DCHS1: variants seen among roughly 807,000 people sequenced by gnomAD.
DCHS1 encodes dachsous cadherin-related 1, also known as protocadherin-16.
In DCHS1, 78 loss-of-function variants were observed where a neutral mutation model predicts 213.9. The observed-to-expected ratio is 0.36, with a 90% CI of 0.30 to 0.44. DCHS1 has a LOEUF of 0.44. DCHS1 is among the 20% of genes least tolerant of loss of function. The pLI, the probability that DCHS1 is intolerant of heterozygous loss-of-function variation, is 1.00. For synonymous variants in DCHS1, 1,828 were observed against 1,873.7 expected (o/e 0.98, Z 0.63); for missense variants, 3,946 against 4,395.9 (o/e 0.90, Z 2.89).
rs964079617 is a variant in DCHS1, at chr11:6,627,830, C to T, written c.5372-163G>A. ...AGTAAAAGAAGATACTATAAAGCAG[C>T]TGGTATCATTTGTGTGTGGTCTGGG... On this transcript the variant is annotated intron_variant, in intron 13 of 20. Transcript: ENST00000299441. The surrounding 1 kb of genome is among the most constrained non-coding windows in gnomAD (Gnocchi z 5.4). Among the ~76,000 whole-genome samples the T allele has an allele frequency of 3.3e-5, 5 of 152,202 alleles. No homozygotes were observed. Among genetic ancestry groups the T allele is most frequent in the Non-Finnish European group, 7.3e-5 (5 of 68,040 alleles).
At position 6,632,886 on chromosome 11, in the gene DCHS1, C is replaced by A; in HGVS notation, c.2626G>T (p.Ala876Ser). 1 of 1,613,988 alleles carries A rather than the reference C, an allele frequency of 6.2e-7. No individual in the cohort carries two copies. Residue 876 changes from alanine (A) to serine (S), a missense_variant, in exon 6 of 21, where the codon GCT becomes TCT. Physicochemically the swap from Ala to Ser is moderately conservative, Grantham distance 99 (BLOSUM62 1). Around this residue, in one of 3 missense-constraint regions of DCHS1, gnomAD observed 3,384 missense variants for 3,780.1 expected, o/e 0.90. Coordinates refer to ENST00000299441, the MANE Select transcript of DCHS1 (RefSeq NM_003737.4). This position sits in a 1 kb window ranked among gnomAD's most constrained non-coding sequence, Gnocchi z 5.9. ...AGCAGCACACGCACCCGAGCTACAGCGAAAGCTGGGGGCACTCCACTGCCT... is the reference window on the plus strand; with the variant it reads ...AGCAGCACACGCACCCGAGCTACAGAGAAAGCTGGGGGCACTCCACTGCCT... ...RAGSGVPPAF[A>S]VARVRVLLDD...
Position 6,626,347 on chromosome 11 carries a change from T to G in DCHS1, c.6398A>C (p.Asp2133Ala). ...TCGCAGCCGTGGACTCACCTCGAAG[T>G]CTAGCCCCTCTGCTGAGCGAACTGT... ...AITVRSAEGL[D>A]FEVSPRLRLV... The change falls in exon 16 of 21, where the codon GAC (aspartate) becomes GCC (alanine). Residue 2133 changes from aspartate to alanine, a missense_variant. Physicochemically the swap from Asp to Ala is moderately radical, Grantham distance 126 (BLOSUM62 -2). Transcript: ENST00000299441. The surrounding 1 kb of genome is among the most constrained non-coding windows in gnomAD (Gnocchi z 5.2). The G allele has an allele frequency of 6.2e-7, 1 of 1,613,650 alleles. No individual in the cohort carries two copies. Among genetic ancestry groups the G allele is most frequent in the South Asian group, 1.1e-5 (1 of 91,002 alleles).
At position 6,641,733 on chromosome 11, in the gene DCHS1, C is replaced by A. The variant is rs1433968661; in HGVS notation, c.-120G>T. ...CCTGGCTCCAGCTCAGGCTCCCTGA[C>A]CTGGGAGAAAACAGAAGGAAACGGG... On this transcript the variant is annotated splice_region_variant and 5_prime_UTR_variant, in exon 2 of 21. Coordinates refer to ENST00000299441, the MANE Select transcript of DCHS1 (RefSeq NM_003737.4). The surrounding 1 kb of genome is among the most constrained non-coding windows in gnomAD (Gnocchi z 7.1). 3 of 1,440,166 alleles carry A rather than the reference C, an allele frequency of 2.1e-6. No homozygotes were observed. Among genetic ancestry groups the A allele is most frequent in the Non-Finnish European group, 2.7e-6 (3 of 1,099,406 alleles). The allele number at this position is 1,440,166 out of a possible 1,614,324, so 89.2% of individuals were successfully genotyped here.
At chr11:6,639,269 T>C (rs1306195304) in intron 2 of DCHS1, among the ~76,000 whole-genome samples, 1 of 152,152 alleles carries the variant, frequency 6.6e-6, no homozygotes, top group Non-Finnish European at 1.5e-5. Flanking sequence ...TATGTGTCTT[T>C]CTCAGCCTGT....
At chr11:6,639,185 T>C (rs995202153) in intron 2 of DCHS1, among the ~76,000 whole-genome samples, 7 of 152,198 alleles carry the variant, frequency 4.6e-5, no homozygotes, top group African/African-American at 1.7e-4. Flanking sequence ...GTTCAAGGAC[T>C]TCTGCAACCT....
intron 1 of DCHS1, among the ~76,000 whole-genome samples, chr11:6,652,164 A>C (rs1448948565): frequency 1.3e-5 from 2 of 152,222 alleles, no homozygotes; most frequent in Non-Finnish European, 1.5e-5. Context: ...GTAACTTTCC[A>C]CTTATTTGCC....
At chr11:6,653,549 T>C (rs1856274344) in intron 1 of DCHS1, among the ~76,000 whole-genome samples, 1 of 152,158 alleles carries the variant, frequency 6.6e-6, no homozygotes, top group Admixed American at 6.5e-5. Context: ...CTGAAAACAA[T>C]GGTGTGAGGG....
At position 6,641,341 on chromosome 11, in the gene DCHS1, G is replaced by C; in HGVS notation, c.273C>G (p.Asp91Glu). 6.2e-7 allele frequency: 1 copy of C among 1,613,636 alleles called. No individual in the cohort carries two copies. The stretch of plus-strand genomic sequence containing the variant: ...CCCCACTGTGTTCGTCAATGGCCAG[G>C]TCTGTGCCCACGCCGCTGCCCTCTT... ...SAQEGSGVGT[D>E]LAIDEHSGVV... is the part of the protein sequence containing the mutation. The change falls in exon 2 of 21, where the codon GAC becomes GAG. Residue 91 changes from aspartate to glutamate, a missense_variant. This residue lies in a region of DCHS1 where 3,384 missense variants were observed against 3,780.1 expected (regional missense o/e 0.90). Transcript: ENST00000299441. The surrounding 1 kb of genome is among the most constrained non-coding windows in gnomAD (Gnocchi z 7.1).
intron 4 of DCHS1, 47 bp downstream of exon 4, chr11:6,633,742 G>A: frequency 6.3e-7 from 1 of 1,598,068 alleles, no homozygotes; most frequent in Non-Finnish European, 8.6e-7. Context: ...TTAGGCAGGT[G>A]GGGAGGGGGA....
Position 6,627,973 on chromosome 11 carries a change from C to T in DCHS1, c.5372-306G>A, listed in dbSNP as rs1203242892. On this transcript the variant is annotated intron_variant, in intron 13 of 20. Transcript: ENST00000299441. The surrounding 1 kb of genome is among the most constrained non-coding windows in gnomAD (Gnocchi z 5.4). Reference sequence around the variant, plus strand: ...TCTCACAGATGTACAGTAGAATTTACAGATGCTCTATGACGTGATGATATA... The same window carrying T: ...TCTCACAGATGTACAGTAGAATTTATAGATGCTCTATGACGTGATGATATA... Among the ~76,000 whole-genome samples the T allele has an allele frequency of 6.6e-6, 1 of 152,166 alleles. No individual in the cohort carries two copies. The highest frequency in any genetic ancestry group is 2.4e-5 in the African/African-American group (1 of 41,420).
chr11:6,654,228 C>T (rs774152096), intron 1 of DCHS1, among the ~76,000 whole-genome samples: 2 of 152,100 alleles, frequency 1.3e-5, no homozygotes, highest in South Asian at 2.1e-4. Context: ...TGACTGTCTC[C>T]TGGGGGTTGT....
chr11:6,621,401 G>A lies in DCHS1; in HGVS notation c.*378C>T, dbSNP rs1192496107. 2 of 374,158 alleles carry A rather than the reference G, an allele frequency of 5.3e-6. No individual in the cohort carries two copies. The highest frequency in any genetic ancestry group is 4.5e-5 in the South Asian group (2 of 44,124). The allele number at this position is 374,158 out of a possible 1,614,324, so 23.2% of individuals were successfully genotyped here. A position where few individuals can be genotyped will look rare whatever the true frequency, so the allele number is the denominator to read the frequency against. On this transcript the variant is annotated 3_prime_UTR_variant, in exon 21 of 21. Coordinates refer to ENST00000299441, the MANE Select transcript of DCHS1 (RefSeq NM_003737.4). ...GTTCTGGGCAGGGGCAGGGGCAGGGGTGTCAGTGGAACCCAAAGGAGCTGG... is the reference window on the plus strand; with the variant it reads ...GTTCTGGGCAGGGGCAGGGGCAGGGATGTCAGTGGAACCCAAAGGAGCTGG...
At chr11:6,649,572 T>C (rs1821144250) in intron 1 of DCHS1, among the ~76,000 whole-genome samples, 1 of 152,006 alleles carries the variant, frequency 6.6e-6, no homozygotes, top group Non-Finnish European at 1.5e-5. Context: ...AATCTGTTAT[T>C]CAACAAATAC....
In DCHS1 at chr11:6,628,804, G is replaced by A. The variant is rs754421601; in HGVS notation, c.5188C>T (p.Pro1730Ser). 1 of 1,613,846 alleles carries A rather than the reference G, an allele frequency of 6.2e-7. No homozygotes were observed. Among genetic ancestry groups the A allele is most frequent in the Non-Finnish European group, 8.5e-7 (1 of 1,179,824 alleles). The part of the protein sequence containing the change: ...TVYAQDRGSP[P>S]QLTHVTVRVA... ...CGAACAGTGACATGCGTTAACTGAG[G>A]AGGTGAGCCCCTGTCCTGGGCATAC... The change falls in exon 13 of 21, where the codon CCT (proline) becomes TCT (serine). Residue 1730 changes from proline to serine, a missense_variant. By Grantham distance (74) the Pro-to-Ser change is moderately conservative (BLOSUM62 -1). This residue lies in a region of DCHS1 where 3,384 missense variants were observed against 3,780.1 expected (regional missense o/e 0.90). Transcript: ENST00000299441. This position sits in a 1 kb window ranked among gnomAD's most constrained non-coding sequence, Gnocchi z 4.3.
chr11:6,629,998 C>T lies in DCHS1; in HGVS notation c.4795+1G>A. Reference sequence around the variant, plus strand: ...CCCTCACTCCCAGACCTAACTCTCACCAGTGCTTGAGTGCAGCCGGAAGTG... The same window carrying T: ...CCCTCACTCCCAGACCTAACTCTCATCAGTGCTTGAGTGCAGCCGGAAGTG... On this transcript the variant is annotated splice_donor_variant, in intron 10 of 20. Coordinates refer to ENST00000299441, the MANE Select transcript of DCHS1 (RefSeq NM_003737.4). LOFTEE classifies it high-confidence loss of function. The T allele has an allele frequency of 6.4e-7, 1 of 1,573,512 alleles. No homozygotes were observed. Among genetic ancestry groups the T allele is most frequent in the Non-Finnish European group, 8.7e-7 (1 of 1,155,868 alleles).
rs760102827 is a variant in DCHS1, at chr11:6,632,977, C to G, written c.2535G>C (p.Leu845=). 1.6e-5 allele frequency: 26 copies of G among 1,613,912 alleles called. No homozygotes were observed. Among genetic ancestry groups the G allele is most frequent in the Non-Finnish European group, 2.2e-5 (26 of 1,179,898 alleles). Residue 845 remains leucine, a synonymous_variant, in exon 6 of 21, where the codon CTG becomes CTC. Transcript: ENST00000299441. The surrounding 1 kb of genome is among the most constrained non-coding windows in gnomAD (Gnocchi z 5.9). ...GGTCCAGAGGGCGAAGTGTTTGCAA[C>G]AGTCCTGATACCGCATCTAGGGAGA... ...GLFSLDAVSG[L]LQTLRPLDRE...
chr11:6,635,653 C>T (rs900068927), intron 2 of DCHS1, among the ~76,000 whole-genome samples: 3 of 152,172 alleles, frequency 2.0e-5, no homozygotes, highest in Non-Finnish European at 4.4e-5. Flanking sequence ...AGCTTCTGCT[C>T]CAACTCTCTA....
chr11:6,633,104 T>A (rs1214064146), intron 5 of DCHS1, 48 bp from the exon 6 acceptor site: 1 of 1,554,942 alleles, frequency 6.4e-7, no homozygotes. Flanking sequence ...GGGGCACTTA[T>A]TGAGTCAGGA....
Position 6,630,821 on chromosome 11 carries a change from C to A in DCHS1, c.3973G>T (p.Ala1325Ser). ...ACTGGTGCCGCTGGGTCCCGCTCTG[C>A]GAGATCTGGGGGCGGCTCGGCCAAG... ...ARLAEPPPDL[A>S]ERDPAAPVPV... The change falls in exon 10 of 21, where the codon GCA becomes TCA. Residue 1325 changes from alanine (A) to serine (S), a missense_variant. This residue lies in a region of DCHS1 where 3,384 missense variants were observed against 3,780.1 expected (regional missense o/e 0.90). Transcript: ENST00000299441. 6.5e-7 allele frequency: 1 copy of A among 1,533,436 alleles called. No individual in the cohort carries two copies. Among genetic ancestry groups the A allele is most frequent in the Non-Finnish European group, 8.8e-7 (1 of 1,137,040 alleles). 95.0% of individuals were successfully genotyped at this position (1,533,436 alleles called of 1,614,324 possible).
Sources: gnomAD v4.1 joint callset for allele counts (sites outside exome capture counted in the v4.1 genomes callset) on GRCh38, gnomAD v4.1.1 for gene constraint, gnomAD v4.1.1 regional missense constraint, Gnocchi (gnomAD v3.1) non-coding constraint, MANE v1.5 for transcripts, NCBI Gene and HGNC (gene_info 2026-07-23, HGNC 2026-07-21) for gene names.